SYN3: variants seen among roughly 807,000 people sequenced by gnomAD.
SYN3 encodes the protein synapsin-3.
A neutral mutation model predicts 65.8 loss-of-function variants in SYN3; 35 were observed. The ratio of observed to expected loss-of-function variants is 0.53; its 90% CI spans 0.41 to 0.70. The LOEUF is 0.70. Ranked by LOEUF, SYN3 falls within the 30% of genes least tolerant of loss-of-function variation. SYN3 has a pLI of 0.00. For missense variants in SYN3, 680 were observed against 749.0 expected (o/e 0.91, Z 1.08); for synonymous variants, 270 against 292.9 (o/e 0.92, Z 0.80).
Position 32,837,016 on chromosome 22 carries a change from G to A in SYN3, c.711+27899C>T, listed in dbSNP as rs1353459956. ...GCGTGCAAAGGAGGGTGGTTCTTTG[G>A]CTAATGGTGGACTTGCTCCTAGGCC... On this transcript the variant is annotated intron_variant, in intron 6 of 13. Coordinates refer to ENST00000358763, the MANE Select transcript of SYN3 (RefSeq NM_003490.4). The surrounding 1 kb of genome is among the most constrained non-coding windows in gnomAD (Gnocchi z 4.1). 6.6e-6 allele frequency among the ~76,000 whole-genome samples: 1 copy of A among 152,150 alleles called. No homozygotes were observed. Among genetic ancestry groups the A allele is most frequent in the Non-Finnish European group, 1.5e-5 (1 of 68,026 alleles).
At chr22:32,988,916 T>G (rs1173878637) in intron 2 of SYN3, among the ~76,000 whole-genome samples, 1 of 152,170 alleles carries the variant, frequency 6.6e-6, no homozygotes, top group Non-Finnish European at 1.5e-5. Flanking sequence ...GGGTTTGAGT[T>G]GGCAGCTCTG....
chr22:33,035,070 G>A (rs2145912323), intron 1 of SYN3, among the ~76,000 whole-genome samples: 1 of 152,200 alleles, frequency 6.6e-6, no homozygotes, highest in African/African-American at 2.4e-5. Context: ...CCATTTGTAG[G>A]CTAGCAACAG....
intron 1 of SYN3, among the ~76,000 whole-genome samples, chr22:33,038,023 G>T (rs929735473): frequency 6.6e-6 from 1 of 151,816 alleles, no homozygotes; most frequent in Admixed American, 6.6e-5. Flanking sequence ...AAAAACAAAA[G>T]ATCGAGAAAA....
intron 6 of SYN3, among the ~76,000 whole-genome samples, chr22:32,642,663 C>T (rs565571993): frequency 3.2e-4 from 49 of 152,006 alleles, no homozygotes; most frequent in Middle Eastern, 3.4e-3. Flanking sequence ...CTCCTGACCT[C>T]GTGATCCGCC....
At chr22:32,534,555 G>T (rs991754025) in intron 9 of SYN3, among the ~76,000 whole-genome samples, 21 of 152,314 alleles carry the variant, frequency 1.4e-4, no homozygotes, top group African/African-American at 4.6e-4. Flanking sequence ...AGTTTGCTTT[G>T]CTGGGGACAG....
chr22:33,020,647 A>G (rs764624581), intron 1 of SYN3, among the ~76,000 whole-genome samples: 3 of 152,224 alleles, frequency 2.0e-5, no homozygotes, highest in African/African-American at 7.2e-5. Context: ...AGATTGGGTC[A>G]TACAAAAGGC....
Position 32,800,461 on chromosome 22 carries a change from G to A in SYN3, c.711+64454C>T, listed in dbSNP as rs540465466. ...TGCCGGTTCCTCATCTGGAAAGTGG[G>A]AGTGATACTTGTGCTTGCTTTTCCT... On this transcript the variant is annotated intron_variant, in intron 6 of 13. Transcript: ENST00000358763. Among the ~76,000 whole-genome samples the A allele has an allele frequency of 3.3e-5, 5 of 152,320 alleles. No homozygotes were observed. In the South Asian group the frequency reaches 1.0e-3, roughly 32 times the overall value.
At chr22:32,565,036 CCAAA>C (rs1268625211) in intron 7 of SYN3, among the ~76,000 whole-genome samples, 6 of 147,866 alleles carry the variant, frequency 4.1e-5, no homozygotes, top group Non-Finnish European at 8.9e-5. Flanking sequence ...CGGACTGCAC[CCAAA>C]CAGTGATCTC....
In SYN3 at chr22:32,715,058, A is replaced by G. The variant is rs370033771; in HGVS notation, c.712-118322T>C. 1.1e-3 allele frequency among the ~76,000 whole-genome samples: 162 copies of G among 152,360 alleles called. 2 individuals are homozygous for G. The highest frequency in any genetic ancestry group is 3.7e-3 in the African/African-American group (155 of 41,586). ...ATAAAGGAATTTTATGATGAAATACATTAGGAAAACCTACATGCCACAGTC... is the reference window on the plus strand; with the variant it reads ...ATAAAGGAATTTTATGATGAAATACGTTAGGAAAACCTACATGCCACAGTC... On this transcript the variant is annotated intron_variant, in intron 6 of 13. Transcript: ENST00000358763.
chr22:32,891,977 CTAA>C (rs57171093), intron 4 of SYN3, among the ~76,000 whole-genome samples: 2,528 of 148,180 alleles, frequency 0.017, 25 homozygotes, highest in East Asian at 0.076. Flanking sequence ...TCCTTTTTAG[CTAA>C]TAATAATAAT....
At chr22:32,671,639 T>A (rs2060368139) in intron 6 of SYN3, among the ~76,000 whole-genome samples, 1 of 111,798 alleles carries the variant, frequency 8.9e-6, no homozygotes, top group Non-Finnish European at 1.8e-5. Flanking sequence ...ACACAGACGC[T>A]CTCACACAGA....
At chr22:32,983,850 G>C (rs994618246) in intron 2 of SYN3, among the ~76,000 whole-genome samples, 1 of 152,096 alleles carries the variant, frequency 6.6e-6, no homozygotes, top group Non-Finnish European at 1.5e-5. Context: ...AATCAAGCCA[G>C]CAAACATTTA....
chr22:32,722,099 A>T, intron 6 of SYN3, among the ~76,000 whole-genome samples: 1 of 152,056 alleles, frequency 6.6e-6, no homozygotes, highest in East Asian at 1.9e-4. Flanking sequence ...ATGCATCTCG[A>T]AGGGTCTGGA....
chr22:32,904,205 G>T (rs1237926974), intron 4 of SYN3, among the ~76,000 whole-genome samples: 2 of 152,188 alleles, frequency 1.3e-5, no homozygotes, highest in African/African-American at 4.8e-5. Flanking sequence ...ACATTTCCCA[G>T]CAGGCCTTGT....
intron 4 of SYN3, among the ~76,000 whole-genome samples, chr22:32,897,009 C>T (rs2046123155): frequency 6.6e-6 from 1 of 152,214 alleles, no homozygotes; most frequent in Admixed American, 6.5e-5. Flanking sequence ...ACGTCTCTCT[C>T]TCTGAGGCCT....
In SYN3 at chr22:32,566,001, C is replaced by T. The variant is rs191583024; in HGVS notation, c.775-24288G>A. ...TGCTAGGATTACAGGCATAAGCCAC[C>T]GCGCCCAGCCTATTTTATTTTTTTA... On this transcript the variant is annotated intron_variant, in intron 7 of 13. Coordinates refer to ENST00000358763, the MANE Select transcript of SYN3 (RefSeq NM_003490.4). Among the ~76,000 whole-genome samples the T allele has an allele frequency of 7.3e-3, 1,118 of 152,132 alleles. 8 individuals carry two copies. The highest frequency in any genetic ancestry group is 0.025 in the African/African-American group (1,031 of 41,498).
At chr22:32,892,530 G>A (rs1407636777) in intron 4 of SYN3, among the ~76,000 whole-genome samples, 2 of 152,212 alleles carry the variant, frequency 1.3e-5, no homozygotes, top group East Asian at 3.9e-4. Flanking sequence ...AAGGAAACGA[G>A]ACTCTAAGTA....
chr22:33,026,201 T>C (rs1018057821), intron 1 of SYN3, among the ~76,000 whole-genome samples: 5 of 152,224 alleles, frequency 3.3e-5, no homozygotes, highest in Non-Finnish European at 5.9e-5. Context: ...CTCTTGATAG[T>C]GAACATTGGT....
chr22:32,653,136 A>G (rs1443868596), intron 6 of SYN3, among the ~76,000 whole-genome samples: 2 of 152,190 alleles, frequency 1.3e-5, no homozygotes, highest in East Asian at 3.8e-4. Context: ...AATGATTTCC[A>G]TGTAACGAAT....
Sources: allele counts gnomAD v4.1 joint callset (sites outside exome capture counted in the v4.1 genomes callset), GRCh38; gene constraint gnomAD v4.1.1; non-coding constraint Gnocchi (gnomAD v3.1); transcripts MANE v1.5; gene names NCBI Gene and HGNC (gene_info 2026-07-23, HGNC 2026-07-21).